CENPK: variants seen among roughly 807,000 people sequenced by gnomAD.
CENPK encodes the protein SoxLZ/Sox6-binding protein Solt.
Under a neutral mutation model 40.9 loss-of-function variants are expected in CENPK, and 46 were observed. The observed-to-expected ratio is 1.13, with a 90% CI of 0.89 to 1.44. The LOEUF (loss-of-function observed/expected upper bound fraction) is 1.44. Among genes scored for constraint, CENPK ranks in the 40% most tolerant of loss-of-function variants. CENPK has a pLI of 0.00. For synonymous variants in CENPK, 107 were observed against 104.4 expected (o/e 1.02, Z -0.15); for missense variants, 288 against 303.5 (o/e 0.95, Z 0.38).
intron 6 of CENPK, among the ~76,000 whole-genome samples, chr5:65,535,052 C>CA (rs1287876426): frequency 1.3e-5 from 2 of 152,018 alleles, no homozygotes; most frequent in Admixed American, 6.6e-5. Flanking sequence ...CCCATCTCTA[C>CA]AAAAAAATAC....
intron 1 of CENPK, among the ~76,000 whole-genome samples, chr5:65,562,170 TATCATC>T (rs1362188371): frequency 1.3e-5 from 2 of 152,104 alleles, no homozygotes; most frequent in Non-Finnish European, 2.9e-5. Flanking sequence ...TCATTATCAT[TATCATC>T]TTCATCCTCA....
intron 2 of CENPK, among the ~76,000 whole-genome samples, chr5:65,556,894 G>C (rs1464463178): frequency 6.6e-6 from 1 of 152,156 alleles, no homozygotes; most frequent in East Asian, 1.9e-4. Flanking sequence ...ATTACCTACG[G>C]TATTCAGCCT....
chr5:65,562,250 G>A (rs927481649), intron 1 of CENPK, among the ~76,000 whole-genome samples: 3 of 152,162 alleles, frequency 2.0e-5, no homozygotes, highest in African/African-American at 4.8e-5. Context: ...CTGTGGAGAT[G>A]CTTTCAAGCA....
intron 1 of CENPK, among the ~76,000 whole-genome samples, chr5:65,562,541 C>A (rs1236629896): frequency 1.3e-5 from 2 of 151,986 alleles, no homozygotes; most frequent in African/African-American, 4.8e-5. Flanking sequence ...AAGTGTTTTA[C>A]GGAGGTCATT....
intron 6 of CENPK, among the ~76,000 whole-genome samples, chr5:65,535,302 A>T (rs138372164): frequency 3.1e-4 from 47 of 152,234 alleles, no homozygotes; most frequent in Non-Finnish European, 5.1e-4. Context: ...GCAGACCTAG[A>T]CTGCAAAAAC....
chr5:65,543,963 A>T (rs1748449382), intron 5 of CENPK, among the ~76,000 whole-genome samples: 1 of 152,186 alleles, frequency 6.6e-6, no homozygotes, highest in Non-Finnish European at 1.5e-5. Context: ...TGTATAGCAA[A>T]TTTTAATGCG....
At chr5:65,503,110 AT>A in the CENPK span, among the ~76,000 whole-genome samples, 17,105 of 126,622 alleles carry the variant, frequency 0.14, 1,070 homozygotes, top group South Asian at 0.28. Context: ...CCAATGTAAT[AT>A]TTTTTTTTTT....
intron 2 of CENPK, among the ~76,000 whole-genome samples, chr5:65,560,203 C>T (rs1158584663): frequency 1.3e-5 from 2 of 151,608 alleles, no homozygotes; most frequent in Non-Finnish European, 2.9e-5. Flanking sequence ...AATTTAAAAC[C>T]CCCAAACCTA....
At chr5:65,515,775 T>C (rs1156886562), downstream of CENPK, among the ~76,000 whole-genome samples, 1 of 152,238 alleles carries the variant, frequency 6.6e-6, no homozygotes, top group Non-Finnish European at 1.5e-5. Context: ...CAGCTTTGTA[T>C]GAAATTAATA....
At chr5:65,508,903 A>G in the CENPK span, among the ~76,000 whole-genome samples, 1 of 152,156 alleles carries the variant, frequency 6.6e-6, no homozygotes, top group South Asian at 2.1e-4. Flanking sequence ...GAAAGAAACC[A>G]TTAATAAATA....
At chr5:65,536,242 A>C (rs1746878178) in intron 6 of CENPK, among the ~76,000 whole-genome samples, 1 of 152,102 alleles carries the variant, frequency 6.6e-6, no homozygotes, top group Non-Finnish European at 1.5e-5. Context: ...GAAAGGGAAA[A>C]ATTTTGCTGG....
At chr5:65,547,733 C>T (rs568765443) in intron 5 of CENPK, among the ~76,000 whole-genome samples, 53 of 152,026 alleles carry the variant, frequency 3.5e-4, no homozygotes, top group East Asian at 1.9e-4. Context: ...GGCATGATCT[C>T]GGCTCACAGC....
At chr5:65,505,771 G>C in the CENPK span, among the ~76,000 whole-genome samples, 2 of 152,198 alleles carry the variant, frequency 1.3e-5, no homozygotes, top group African/African-American at 4.8e-5. Flanking sequence ...AGATTTTTCA[G>C]CTATAACCTA....
intron 2 of CENPK, among the ~76,000 whole-genome samples, chr5:65,559,760 C>G (rs1411975818): frequency 3.3e-5 from 5 of 151,892 alleles, no homozygotes; most frequent in African/African-American, 1.2e-4. Context: ...CATAAATAGG[C>G]AAATTGAGCA....
chr5:65,526,637 T>C (rs1744756980), intron 9 of CENPK, among the ~76,000 whole-genome samples: 1 of 152,060 alleles, frequency 6.6e-6, no homozygotes, highest in African/African-American at 2.4e-5. Flanking sequence ...TAAATAACAC[T>C]AACAAAATCA....
At chr5:65,515,445 C>A (rs1057132091), downstream of CENPK, among the ~76,000 whole-genome samples, 2 of 152,124 alleles carry the variant, frequency 1.3e-5, no homozygotes, top group African/African-American at 4.8e-5. Flanking sequence ...TCGTGATCCA[C>A]CCGACTCGGC....
chr5:65,545,500 T>C lies in CENPK; in HGVS notation c.242-2652A>G, dbSNP rs561573759. ...AAAGAAAACAACCCTGAATTGCACA[T>C]CCAGTGAAAATATCCTTCAGGAATG... is the stretch of plus-strand genomic sequence containing the variant. On this transcript the variant is annotated intron_variant, in intron 5 of 10. Coordinates refer to ENST00000396679, the MANE Select transcript of CENPK (RefSeq NM_022145.5). Among the ~76,000 whole-genome samples the C allele has an allele frequency of 2.0e-5, 3 of 152,072 alleles. No homozygotes were observed. In the South Asian group the frequency reaches 6.2e-4, roughly 32 times the overall value.
intron 5 of CENPK, among the ~76,000 whole-genome samples, chr5:65,549,207 C>CT (rs964059095): frequency 4.5e-4 from 66 of 147,516 alleles, no homozygotes; most frequent in African/African-American, 6.2e-4. Context: ...TGAAAGGAAT[C>CT]TTTTTTTTTT....
At chr5:65,519,369 A>C (rs2150333312) in intron 10 of CENPK, among the ~76,000 whole-genome samples, 1 of 152,310 alleles carries the variant, frequency 6.6e-6, no homozygotes, top group South Asian at 2.1e-4. Flanking sequence ...AAATAGTTAC[A>C]ATTGTTTGAA....
Sources: allele counts gnomAD v4.1 joint callset (sites outside exome capture counted in the v4.1 genomes callset), GRCh38; gene constraint gnomAD v4.1.1; transcripts MANE v1.5; gene names NCBI Gene and HGNC (gene_info 2026-07-23, HGNC 2026-07-21).